Variants in SLC25A37 observed in about 807,000 individuals in gnomAD.
SLC25A37 encodes mitoferrin-1.
In SLC25A37, 17 loss-of-function variants were observed where a neutral mutation model predicts 31.0. That is an observed-to-expected ratio of 0.55 (90% CI 0.38 to 0.82). The LOEUF is 0.82. Among genes scored for constraint, SLC25A37 ranks in the 40% least tolerant of loss-of-function variants. SLC25A37 has a pLI of 0.00. For synonymous variants in SLC25A37, 222 were observed against 193.0 expected (o/e 1.15, Z -1.24); for missense variants, 404 against 465.8 (o/e 0.87, Z 1.22).
Position 23,554,047 on chromosome 8 carries a change from G to A in SLC25A37, c.211-12061G>A, listed in dbSNP as rs556064396. Reference sequence around the variant, plus strand: ...GGGATCCTTTAGCGTCCATCCCTTTGTGAGAGATAGGATAGCCTAGTTGTT... The same window carrying A: ...GGGATCCTTTAGCGTCCATCCCTTTATGAGAGATAGGATAGCCTAGTTGTT... On this transcript the variant is annotated intron_variant, in intron 1 of 3. Transcript: ENST00000519973. Among the ~76,000 whole-genome samples the A allele has an allele frequency of 1.5e-3, 169 of 115,816 alleles. 1 individual carries two copies. Among genetic ancestry groups the A allele is most frequent in the Middle Eastern group, 4.4e-3 (1 of 228 alleles). 76.0% of individuals were successfully genotyped at this position (115,816 alleles called of 152,430 possible).
Position 23,572,043 on chromosome 8 carries a change from A to AGGT in SLC25A37, c.*197_*199dup, listed in dbSNP as rs1802867664. 1 of 638,664 alleles carries AGGT rather than the reference A, an allele frequency of 1.6e-6. No homozygotes were observed. The highest frequency in any genetic ancestry group is 2.2e-5 in the South Asian group (1 of 44,750). The allele number at this position is 638,664 out of a possible 1,614,324, so 39.6% of individuals were successfully genotyped here. A position where few individuals can be genotyped will look rare whatever the true frequency, so the allele number is the denominator to read the frequency against. The stretch of plus-strand genomic sequence containing the variant: ...GGAAGGCTGTGTGCGGGGACATCCG[A>AGGT]GGTGGTGGTGGACAGGAAGGACTTG... On this transcript the variant is annotated 3_prime_UTR_variant, in exon 4 of 4. Transcript: ENST00000519973.
intron 1 of SLC25A37, among the ~76,000 whole-genome samples, chr8:23,545,834 A>G (rs1382741690): frequency 1.3e-5 from 2 of 152,054 alleles, no homozygotes; most frequent in African/African-American, 4.8e-5. Flanking sequence ...CCCTAACTCT[A>G]AAAATAAAAA....
chr8:23,566,907 C>T (rs1054459315), intron 2 of SLC25A37: 2 of 813,022 alleles, frequency 2.5e-6, no homozygotes, highest in Admixed American at 1.2e-4. Context: ...TACCCCCATT[C>T]TCTTCTGTTT....
At chr8:23,562,819 C>T (rs1425871596) in intron 1 of SLC25A37, among the ~76,000 whole-genome samples, 1 of 152,232 alleles carries the variant, frequency 6.6e-6, no homozygotes, top group African/African-American at 2.4e-5. Context: ...CATCTGAATT[C>T]AGCCCCAGTT....
At chr8:23,534,281 C>T (rs1801720237) in intron 1 of SLC25A37, among the ~76,000 whole-genome samples, 1 of 152,144 alleles carries the variant, frequency 6.6e-6, no homozygotes, top group African/African-American at 2.4e-5. Flanking sequence ...TGGAAACCTT[C>T]CCTAAAGTTC....
At chr8:23,530,432 C>T (rs1449600038) in intron 1 of SLC25A37, among the ~76,000 whole-genome samples, 1 of 152,204 alleles carries the variant, frequency 6.6e-6, no homozygotes, top group African/African-American at 2.4e-5. Flanking sequence ...GAGGGTTTTC[C>T]CGGCTCCGGG....
intron 1 of SLC25A37, among the ~76,000 whole-genome samples, chr8:23,561,900 T>G (rs1056320229): frequency 2.6e-5 from 4 of 152,328 alleles, no homozygotes; most frequent in African/African-American, 4.8e-5. Context: ...CATTTTCCAG[T>G]CCAGGACACT....
At position 23,574,009 on chromosome 8, in the gene SLC25A37, T is replaced by G. The variant is rs1802928492; in HGVS notation, c.*2154T>G. 1.1e-5 allele frequency: 4 copies of G among 356,670 alleles called. No individual in the cohort carries two copies. The highest frequency in any genetic ancestry group is 2.3e-5 in the Non-Finnish European group (4 of 174,342). The allele number at this position is 356,670 out of a possible 1,614,324, so 22.1% of individuals were successfully genotyped here. A position where few individuals can be genotyped will look rare whatever the true frequency, so the allele number is the denominator to read the frequency against. On this transcript the variant is annotated 3_prime_UTR_variant, in exon 4 of 4. Coordinates refer to ENST00000519973, the MANE Select transcript of SLC25A37 (RefSeq NM_016612.4). Reference sequence around the variant, plus strand: ...AAATTCTAAATTTCAAAGTAGAATTTAAAGCAAATTTGTAAAAAAATTATC... The same window carrying G: ...AAATTCTAAATTTCAAAGTAGAATTGAAAGCAAATTTGTAAAAAAATTATC...
intron 1 of SLC25A37, among the ~76,000 whole-genome samples, chr8:23,542,207 C>T (rs746717746): frequency 1.3e-5 from 2 of 152,164 alleles, no homozygotes; most frequent in Non-Finnish European, 2.9e-5. Context: ...CATTGCATTT[C>T]GCCCGTGTTT....
At chr8:23,546,566 A>G (rs59637763) in intron 1 of SLC25A37, among the ~76,000 whole-genome samples, 23,344 of 109,168 alleles carry the variant, frequency 0.21, 2,887 homozygotes, top group South Asian at 0.31. Context: ...GTATATATAT[A>G]TATATATATA....
chr8:23,543,677 G>A (rs1429760039), intron 1 of SLC25A37, among the ~76,000 whole-genome samples: 2 of 152,190 alleles, frequency 1.3e-5, no homozygotes, highest in Non-Finnish European at 2.9e-5. Flanking sequence ...TGGGACTACA[G>A]GCGCCTGCCA....
chr8:23,551,362 C>T (rs1002532585), intron 1 of SLC25A37, among the ~76,000 whole-genome samples: 11 of 152,110 alleles, frequency 7.2e-5, no homozygotes, highest in African/African-American at 2.7e-4. Flanking sequence ...GTGCGAGTCC[C>T]CTTGCTCTTT....
At position 23,528,983 on chromosome 8, in the gene SLC25A37, G is replaced by A. The variant is rs1801600558; in HGVS notation, c.-20G>A. 1.4e-6 allele frequency: 2 copies of A among 1,476,506 alleles called. No individual in the cohort carries two copies. Among genetic ancestry groups the A allele is most frequent in the East Asian group, 2.8e-5 (1 of 36,350 alleles). 91.5% of individuals were successfully genotyped at this position (1,476,506 alleles called of 1,614,324 possible). The stretch of plus-strand genomic sequence containing the variant: ...CCCTGCCCACCTCCTGCAGCCTCCT[G>A]CGCCCCGCCGAGCTGGCGGATGGAG... On this transcript the variant is annotated 5_prime_UTR_variant, in exon 1 of 4. Transcript: ENST00000519973.
chr8:23,570,747 C>CCA (rs1305238567), intron 3 of SLC25A37, among the ~76,000 whole-genome samples: 3 of 152,164 alleles, frequency 2.0e-5, no homozygotes, highest in African/African-American at 7.2e-5. Flanking sequence ...GCCTAAGGTA[C>CCA]CACAGTTAGT....
chr8:23,563,745 G>A (rs1317945060), intron 1 of SLC25A37, among the ~76,000 whole-genome samples: 1 of 152,198 alleles, frequency 6.6e-6, no homozygotes, highest in Non-Finnish European at 1.5e-5. Flanking sequence ...ACTTTGGGAA[G>A]CCGAAGCAAG....
chr8:23,536,641 C>T lies in SLC25A37; in HGVS notation c.210+7429C>T, dbSNP rs1240323469. Among the ~76,000 whole-genome samples the T allele has an allele frequency of 3.9e-5, 6 of 152,294 alleles. No individual in the cohort carries two copies. The East Asian group carries it at 7.7e-4, about 20-fold the overall frequency. ...TCTGGAGCTGAATCTCCAGTTGCCT[C>T]GGAGCCTCCTCAGACTCAGTGTGGC... is the stretch of plus-strand genomic sequence containing the variant. On this transcript the variant is annotated intron_variant, in intron 1 of 3. Coordinates refer to ENST00000519973, the MANE Select transcript of SLC25A37 (RefSeq NM_016612.4).
At chr8:23,559,177 G>A (rs1432529773) in intron 1 of SLC25A37, among the ~76,000 whole-genome samples, 5 of 152,208 alleles carry the variant, frequency 3.3e-5, no homozygotes, top group Admixed American at 1.3e-4. Flanking sequence ...TTTCCCAGAG[G>A]CTTTAGTATG....
At chr8:23,570,569 G>A (rs1802798108) in intron 3 of SLC25A37, among the ~76,000 whole-genome samples, 2 of 152,156 alleles carry the variant, frequency 1.3e-5, no homozygotes, top group South Asian at 2.1e-4. Flanking sequence ...AGTTAACTTC[G>A]TGTAACCAAG....
In SLC25A37 at chr8:23,536,384, G is replaced by A. The variant is rs189729837; in HGVS notation, c.210+7172G>A. On this transcript the variant is annotated intron_variant, in intron 1 of 3. Coordinates refer to ENST00000519973, the MANE Select transcript of SLC25A37 (RefSeq NM_016612.4). The stretch of plus-strand genomic sequence containing the variant: ...TTCCTGGCTTTTGCACTGCCCAGCC[G>A]CAGCCTCACAGAGACTTCTGGCTAC... Among the ~76,000 whole-genome samples, 43 of 152,046 alleles carry A rather than the reference G, an allele frequency of 2.8e-4. No individual in the cohort carries two copies. In the East Asian group the frequency reaches 6.6e-3, roughly 23 times the overall value.
Sources: allele counts gnomAD v4.1 joint callset (sites outside exome capture counted in the v4.1 genomes callset), GRCh38; gene constraint gnomAD v4.1.1; transcripts MANE v1.5; gene names NCBI Gene and HGNC (gene_info 2026-07-23, HGNC 2026-07-21).